The following CFTR variants were observed in gnomAD, a reference collection of about 807,000 sequenced individuals.
CFTR encodes the protein cystic fibrosis transmembrane conductance regulator.
In CFTR, 181 loss-of-function variants were observed where a neutral mutation model predicts 171.6. The observed-to-expected ratio is 1.05, with a 90% CI of 0.93 to 1.19. CFTR has a LOEUF of 1.19. Ranked by LOEUF, CFTR falls within the 50% of genes most tolerant of loss-of-function variation. CFTR has a pLI of 0.00. For missense variants in CFTR, 1,968 were observed against 1,734.7 expected, an observed-to-expected ratio of 1.13 and a Z score of -2.39; for synonymous variants, 583 against 608.0, an observed-to-expected ratio of 0.96 and a Z score of 0.60.
At chr7:117,641,933 C>G (rs1362100003) in intron 22 of CFTR, among the ~76,000 whole-genome samples, 3 of 152,190 alleles carry the variant, frequency 2.0e-5, no homozygotes, top group Non-Finnish European at 2.9e-5. Context: ...TATACTGCTG[C>G]CTGAACATAT....
chr7:117,661,796 T>A (rs1347037039), intron 24 of CFTR, among the ~76,000 whole-genome samples: 1 of 152,142 alleles, frequency 6.6e-6, no homozygotes, highest in Non-Finnish European at 1.5e-5. Flanking sequence ...TGGTAATCCT[T>A]GTAACAACCC....
chr7:117,608,286 C>T (rs1031915617), intron 18 of CFTR, among the ~76,000 whole-genome samples: 4 of 152,052 alleles, frequency 2.6e-5, no homozygotes, highest in African/African-American at 9.7e-5. Flanking sequence ...CTGACTGCAA[C>T]CTCCACCTCC....
chr7:117,610,815 A>G, intron 19 of CFTR, 146 bp downstream of exon 19: 1 of 767,654 alleles, frequency 1.3e-6, no homozygotes, highest in South Asian at 1.8e-5. Context: ...GCATGTGTAT[A>G]TAAAAGGAAA....
chr7:117,592,670 C>T lies in CFTR; in HGVS notation c.2490+13C>T. ...AGAAGACTTAAAGGTAGGTATACAT[C>T]GCTTGGGGGTATTTCACCCCACAGA... On this transcript the variant is annotated intron_variant, in intron 14 of 26. Transcript: ENST00000003084. 2.6e-6 allele frequency: 4 copies of T among 1,510,414 alleles called. No individual in the cohort carries two copies. Among genetic ancestry groups the T allele is most frequent in the Non-Finnish European group, 3.5e-6 (4 of 1,136,292 alleles). The allele number at this position is 1,510,414 out of a possible 1,614,324, so 93.6% of individuals were successfully genotyped here.
In CFTR at chr7:117,667,015, TC is replaced by T. The variant is rs1456666216; in HGVS notation, c.4354del (p.His1452ThrfsTer16). On this transcript the variant is annotated frameshift_variant, in exon 27 of 27. Transcript: ENST00000003084. LOFTEE classifies it high-confidence loss of function. The stretch of plus-strand genomic sequence containing the variant: ...GCCCCTCCGACAGGGTGAAGCTCTT[TC>T]CCCACCGGAACTCAAGCAAGTGCAA... ...ISPSDRVKLF[P>X]HRNSSKCKSK... The T allele has an allele frequency of 6.2e-7, 1 of 1,613,852 alleles. No homozygotes were observed. Among genetic ancestry groups the T allele is most frequent in the Admixed American group, 1.7e-5 (1 of 59,972 alleles).
At chr7:117,516,543 G>A (rs1798599149) in intron 3 of CFTR, among the ~76,000 whole-genome samples, 1 of 152,188 alleles carries the variant, frequency 6.6e-6, no homozygotes, top group South Asian at 2.1e-4. Flanking sequence ...GAGCAACTGA[G>A]AAGTAACCAG....
chr7:117,660,402 C>T (rs1001922690), intron 24 of CFTR, among the ~76,000 whole-genome samples: 5 of 151,952 alleles, frequency 3.3e-5, no homozygotes, highest in Admixed American at 1.3e-4. Flanking sequence ...GAGGCCGAGG[C>T]GGTTGGATCA....
intron 7 of CFTR, among the ~76,000 whole-genome samples, chr7:117,538,677 A>G (rs1452810819): frequency 6.6e-6 from 1 of 152,206 alleles, no homozygotes; most frequent in Non-Finnish European, 1.5e-5. Flanking sequence ...AACTCCACAA[A>G]GGAGATGACA....
chr7:117,562,086 C>T (rs1486498946), intron 11 of CFTR, among the ~76,000 whole-genome samples: 1 of 152,140 alleles, frequency 6.6e-6, no homozygotes, highest in Admixed American at 6.6e-5. Context: ...CCTAACACAA[C>T]GTCTTGTACA....
chr7:117,641,679 C>G (rs1170997401), intron 22 of CFTR, among the ~76,000 whole-genome samples: 2 of 152,184 alleles, frequency 1.3e-5, no homozygotes, highest in Non-Finnish European at 2.9e-5. Flanking sequence ...TTGGGGCTCT[C>G]TGTGGGTCAC....
chr7:117,628,396 A>G (rs1792688728), intron 22 of CFTR, among the ~76,000 whole-genome samples: 1 of 152,194 alleles, frequency 6.6e-6, no homozygotes, highest in South Asian at 2.1e-4. Flanking sequence ...GTCATTATCC[A>G]TATACTTCAG....
At chr7:117,510,472 A>G (rs1798499373) in intron 3 of CFTR, among the ~76,000 whole-genome samples, 1 of 152,202 alleles carries the variant, frequency 6.6e-6, no homozygotes. Context: ...GAAGTGAATG[A>G]TATTTCAAGT....
intron 23 of CFTR, among the ~76,000 whole-genome samples, chr7:117,651,171 A>G (rs1027778650): frequency 1.3e-5 from 2 of 152,184 alleles, no homozygotes; most frequent in Admixed American, 6.6e-5. Flanking sequence ...ACCCTTTTGG[A>G]GGAGATAACT....
chr7:117,639,093 G>A (rs6466615), intron 22 of CFTR, among the ~76,000 whole-genome samples: 4,914 of 152,190 alleles, frequency 0.032, 201 homozygotes, highest in African/African-American at 0.094. Flanking sequence ...GTGAAGAGGT[G>A]AAAAGAATAA....
At chr7:117,556,552 C>A in intron 10 of CFTR, among the ~76,000 whole-genome samples, 1 of 105,202 alleles carries the variant, frequency 9.5e-6, no homozygotes, top group Admixed American at 1.4e-4. Context: ...CGGAGTCTCG[C>A]TCTGTCGCCC....
At chr7:117,558,616 C>T (rs1200589122) in intron 10 of CFTR, among the ~76,000 whole-genome samples, 1 of 151,390 alleles carries the variant, frequency 6.6e-6, no homozygotes, top group Non-Finnish European at 1.5e-5. Flanking sequence ...CCTCTGCTAC[C>T]TCCTTTCCTT....
chr7:117,488,266 A>G (rs911997151), intron 1 of CFTR, among the ~76,000 whole-genome samples: 5 of 152,098 alleles, frequency 3.3e-5, no homozygotes, highest in African/African-American at 1.2e-4. Context: ...AATATTCTTT[A>G]TTTAAATTCT....
intron 1 of CFTR, among the ~76,000 whole-genome samples, chr7:117,493,035 G>A (rs1345026313): frequency 1.3e-5 from 2 of 151,930 alleles, no homozygotes; most frequent in African/African-American, 4.8e-5. Flanking sequence ...TTCATTCAGC[G>A]GGAGCTCCTG....
At chr7:117,596,778 A>G (rs150393783) in intron 15 of CFTR, among the ~76,000 whole-genome samples, 1,765 of 152,210 alleles carry the variant, frequency 0.012, 38 homozygotes, top group African/African-American at 0.04. Flanking sequence ...TAGCTAAGGG[A>G]TTGTAAATAT....
Sources: gnomAD v4.1 joint callset for allele counts (sites outside exome capture counted in the v4.1 genomes callset) on GRCh38, gnomAD v4.1.1 for gene constraint, MANE v1.5 for transcripts, NCBI Gene and HGNC (gene_info 2026-07-23, HGNC 2026-07-21) for gene names.